Variants in DAB1 observed in about 807,000 individuals in gnomAD.
DAB1 encodes DAB adaptor protein 1.
DAB1 carries 15 observed loss-of-function variants against 64.6 expected under a neutral mutation model. The ratio of observed to expected loss-of-function variants is 0.23; its 90% CI spans 0.16 to 0.36. DAB1 has a LOEUF of 0.36. DAB1 is among the 10% of genes least tolerant of loss of function. The probability of loss-of-function intolerance (pLI) is 1.00; values close to 1 mark genes in which losing one functional copy is unlikely to be tolerated. For missense variants in DAB1, 596 were observed against 706.7 expected (o/e 0.84, Z 1.78); for synonymous variants, 235 against 251.9 (o/e 0.93, Z 0.64).
At chr1:57,893,404 G>T (rs1470092098) in intron 5 of DAB1, among the ~76,000 whole-genome samples, 1 of 151,896 alleles carries the variant, frequency 6.6e-6, no homozygotes, top group African/African-American at 2.4e-5. Context: ...GTATTTTTTT[G>T]TTCTAGATAC....
chr1:58,066,305 G>C (rs1438322055), intron 5 of DAB1, among the ~76,000 whole-genome samples: 1 of 152,176 alleles, frequency 6.6e-6, no homozygotes, highest in Non-Finnish European at 1.5e-5. Flanking sequence ...GAAATCATGA[G>C]GAATGGGAGT....
At chr1:57,491,203 T>C (rs999537690) in intron 7 of DAB1, among the ~76,000 whole-genome samples, 1 of 151,556 alleles carries the variant, frequency 6.6e-6, no homozygotes, top group African/African-American at 2.4e-5. Flanking sequence ...CTGAGGCGGG[T>C]GGATCATGAG....
intron 2 of DAB1, among the ~76,000 whole-genome samples, chr1:57,199,199 T>C (rs926256997): frequency 7.2e-5 from 11 of 152,302 alleles, no homozygotes; most frequent in East Asian, 5.8e-4. Context: ...CACTTGGAAA[T>C]TGAATTAAAA....
At chr1:57,976,661 T>C (rs554702822) in intron 5 of DAB1, among the ~76,000 whole-genome samples, 1 of 152,286 alleles carries the variant, frequency 6.6e-6, no homozygotes, top group Admixed American at 6.5e-5. Context: ...TGTGACACTT[T>C]TAGCTTTCTC....
chr1:58,230,519 T>C (rs1378399211), intron 4 of DAB1, among the ~76,000 whole-genome samples: 1 of 152,144 alleles, frequency 6.6e-6, no homozygotes, highest in Non-Finnish European at 1.5e-5. Context: ...CCCAAGTCCT[T>C]ATTGAACGAC....
At chr1:58,058,452 A>G (rs1480084451) in intron 5 of DAB1, among the ~76,000 whole-genome samples, 1 of 152,124 alleles carries the variant, frequency 6.6e-6, no homozygotes, top group Non-Finnish European at 1.5e-5. Context: ...CGCTCCCACT[A>G]TATCAGCCAC....
At chr1:58,055,838 G>A (rs914012988) in intron 5 of DAB1, among the ~76,000 whole-genome samples, 8 of 151,896 alleles carry the variant, frequency 5.3e-5, no homozygotes, top group African/African-American at 1.4e-4. Context: ...TCCTGCCTCA[G>A]CCTCCCAAGT....
intron 1 of DAB1, among the ~76,000 whole-genome samples, chr1:57,363,727 G>A (rs553111932): frequency 2.3e-4 from 35 of 152,210 alleles, no homozygotes; most frequent in Admixed American, 9.8e-4. Context: ...ATGCTGAGAC[G>A]CCTCATGAAG....
intron 1 of DAB1, among the ~76,000 whole-genome samples, chr1:57,380,162 G>A (rs1314936889): frequency 6.6e-6 from 1 of 152,078 alleles, no homozygotes; most frequent in East Asian, 1.9e-4. Flanking sequence ...ACCCTCTGAA[G>A]TAGGTCATAT....
intron 4 of DAB1, among the ~76,000 whole-genome samples, chr1:58,329,862 T>C (rs2100493510): frequency 6.6e-6 from 1 of 151,966 alleles, no homozygotes; most frequent in South Asian, 2.1e-4. Flanking sequence ...CCACTGGCCA[T>C]TCCCTATCTC....
intron 1 of DAB1, among the ~76,000 whole-genome samples, chr1:57,292,779 C>T (rs1031013202): frequency 1.2e-4 from 18 of 152,084 alleles, no homozygotes; most frequent in Non-Finnish European, 2.4e-4. Context: ...GTTTCCTGTC[C>T]TCCAAGAAGC....
Position 57,607,105 on chromosome 1 carries a change from A to T in DAB1, n.625+42487T>A, listed in dbSNP as rs558052923. Among the ~76,000 whole-genome samples the T allele has an allele frequency of 1.2e-4, 18 of 152,182 alleles. No individual in the cohort carries two copies. The South Asian group carries it at 3.7e-3, about 32-fold the overall frequency. ...TGCCCAGCCTAATCCAATATTTTTC[A>T]TGATGTGTTGGTGAATCATTAAATC... On this transcript the variant is annotated intron_variant and non_coding_transcript_variant, in intron 7 of 20. Transcript: ENST00000485760.
rs546130724 is a variant in DAB1 at position 58,236,388 on chromosome 1, GGACCCAAGAC to G, written n.310-85810_310-85801del. ...ACATTATGCACTCAGTCAGGCTCTG[GGACCCAAGAC>G]GAGTGTCGATCGGAAAGACGCATGG... On this transcript the variant is annotated intron_variant and non_coding_transcript_variant, in intron 4 of 20. Transcript: ENST00000485760. 1.8e-4 allele frequency among the ~76,000 whole-genome samples: 28 copies of G among 152,068 alleles called. No individual in the cohort carries two copies. The East Asian group carries it at 5.2e-3, about 28-fold the overall frequency.
chr1:57,647,983 C>T lies in DAB1; in HGVS notation n.625+1609G>A, dbSNP rs559486607. Among the ~76,000 whole-genome samples, 141 of 152,294 alleles carry T rather than the reference C, an allele frequency of 9.3e-4. No homozygotes were observed. In the South Asian group the frequency reaches 0.01, roughly 11 times the overall value. ...AAATCTATATATTCTCAACCTCTGT[C>T]TATAGGCAGAATGCATTAAAGAGAT... On this transcript the variant is annotated intron_variant and non_coding_transcript_variant, in intron 7 of 20. Transcript: ENST00000485760.
chr1:57,444,208 C>T (rs1185052340), intron 7 of DAB1, among the ~76,000 whole-genome samples: 1 of 152,304 alleles, frequency 6.6e-6, no homozygotes, highest in East Asian at 1.9e-4. Flanking sequence ...TCCTCTTTAA[C>T]ATCACTTATT....
At position 58,530,729 on chromosome 1, in the gene DAB1, C is replaced by T. The variant is rs746426807; in HGVS notation, n.33-3394G>A. 3.4e-6 allele frequency: 3 copies of T among 871,612 alleles called. No individual in the cohort carries two copies. In the East Asian group the frequency reaches 7.2e-5, roughly 21 times the overall value. The allele number at this position is 871,612 out of a possible 1,614,324, so 54.0% of individuals were successfully genotyped here. The stretch of plus-strand genomic sequence containing the variant: ...AAATGAACCATGCCAGCCTTTTCTG[C>T]CTAAGAATAATCAAAATAATAAAAA... On this transcript the variant is annotated intron_variant and non_coding_transcript_variant, in intron 1 of 20. Transcript: ENST00000485760.
chr1:57,913,123 C>G (rs542754823), intron 5 of DAB1, among the ~76,000 whole-genome samples: 103 of 152,246 alleles, frequency 6.8e-4, no homozygotes, highest in African/African-American at 2.3e-3. Context: ...CAAAAAAGAG[C>G]CCGCATTGCC....
At chr1:58,480,866 CCT>C in intron 3 of DAB1, 3 of 678,646 alleles carry the variant, frequency 4.4e-6, no homozygotes, top group Non-Finnish European at 7.4e-6. Context: ...CCCTGAATAT[CCT>C]TTTTTTTTTC....
chr1:57,659,269 T>A (rs1043449116), intron 6 of DAB1, among the ~76,000 whole-genome samples: 3 of 152,216 alleles, frequency 2.0e-5, no homozygotes, highest in Non-Finnish European at 4.4e-5. Context: ...TAAGTTGTCC[T>A]ACTAATTAGT....
Sources: allele counts gnomAD v4.1 joint callset (sites outside exome capture counted in the v4.1 genomes callset), GRCh38; gene constraint gnomAD v4.1.1; transcripts MANE v1.5; gene names NCBI Gene and HGNC (gene_info 2026-07-23, HGNC 2026-07-21).